Variants in HMGCS1 observed in about 807,000 individuals in gnomAD.
HMGCS1 encodes the protein 3-hydroxy-3-methylglutaryl-CoA synthase 1.
Under a neutral mutation model 52.3 loss-of-function variants are expected in HMGCS1, and 9 were observed. The ratio of observed to expected loss-of-function variants is 0.17; its 90% CI spans 0.10 to 0.30. The LOEUF (loss-of-function observed/expected upper bound fraction) is 0.30. Ranked by LOEUF, HMGCS1 falls within the 10% of genes least tolerant of loss-of-function variation. The pLI is 1.00. For synonymous variants in HMGCS1, 176 were observed against 214.4 expected (o/e 0.82, Z 1.57); for missense variants, 320 against 620.9 (o/e 0.52, Z 5.15).
chr5:43,311,087 G>A (rs1214239413), intron 1 of HMGCS1, among the ~76,000 whole-genome samples: 1 of 152,156 alleles, frequency 6.6e-6, no homozygotes, highest in African/African-American at 2.4e-5. Flanking sequence ...CACTTTGGGA[G>A]GCCAAGGCGG....
At chr5:43,292,280 C>T (rs568210102) in intron 10 of HMGCS1, among the ~76,000 whole-genome samples, 194 bp downstream of exon 10, 7 of 152,144 alleles carry the variant, frequency 4.6e-5, no homozygotes, top group African/African-American at 9.6e-5. Context: ...CGTGAGCCAC[C>T]GCACCCGGCC....
chr5:43,293,020 A>G, intron 8 of HMGCS1, 47 bp from the exon 9 acceptor site: 2 of 1,512,896 alleles, frequency 1.3e-6, no homozygotes, highest in East Asian at 2.3e-5. Flanking sequence ...TTGAAAAATC[A>G]TGTCCAAAAG....
At chr5:43,312,436 A>G (rs941229538) in intron 1 of HMGCS1, among the ~76,000 whole-genome samples, 2 of 152,186 alleles carry the variant, frequency 1.3e-5, no homozygotes, top group Non-Finnish European at 2.9e-5. Flanking sequence ...ACCTCACATT[A>G]TTTGTTCCCC....
At chr5:43,311,186 G>C (rs1055830325) in intron 1 of HMGCS1, among the ~76,000 whole-genome samples, 2 of 152,082 alleles carry the variant, frequency 1.3e-5, no homozygotes, top group African/African-American at 4.8e-5. Flanking sequence ...AATTAGCTGG[G>C]TGTGGTGGCA....
chr5:43,304,829 C>T (rs1166245462), intron 2 of HMGCS1, among the ~76,000 whole-genome samples: 1 of 152,132 alleles, frequency 6.6e-6, no homozygotes, highest in Non-Finnish European at 1.5e-5. Flanking sequence ...AATGTGTTTT[C>T]CATTATGTTC....
intron 10 of HMGCS1, among the ~76,000 whole-genome samples, chr5:43,291,842 C>T (rs1753782223): frequency 6.6e-6 from 1 of 152,086 alleles, no homozygotes; most frequent in Non-Finnish European, 1.5e-5. Context: ...AGATTTTGAC[C>T]ATGATCTGGG....
intron 1 of HMGCS1, among the ~76,000 whole-genome samples, chr5:43,310,876 T>C (rs910827107): frequency 6.6e-6 from 1 of 152,190 alleles, no homozygotes; most frequent in Admixed American, 6.5e-5. Context: ...CTTACAATCA[T>C]TCCCATATGC....
chr5:43,289,363 AGTTC>A lies in HMGCS1; in HGVS notation c.*1764_*1767del, dbSNP rs1407510536. On this transcript the variant is annotated 3_prime_UTR_variant, in exon 11 of 11. Transcript: ENST00000325110. ...TAGCTGATTTCTTGCCGAAGTTGTTAGTTCAAGAGTGAAAAAGAATACTCAAGTA... is the reference window on the plus strand; with the variant it reads ...TAGCTGATTTCTTGCCGAAGTTGTTAAAGAGTGAAAAAGAATACTCAAGTA... The A allele has an allele frequency of 6.6e-6, 1 of 152,666 alleles. No homozygotes were observed. The highest frequency in any genetic ancestry group is 1.5e-5 in the Non-Finnish European group (1 of 68,040). The allele number at this position is 152,666 out of a possible 1,614,324, so 9.5% of individuals were successfully genotyped here. A position where few individuals can be genotyped will look rare whatever the true frequency, so the allele number is the denominator to read the frequency against.
At chr5:43,295,409 A>G (rs1427045009) in intron 6 of HMGCS1, among the ~76,000 whole-genome samples, 1 of 152,224 alleles carries the variant, frequency 6.6e-6, no homozygotes, top group Admixed American at 6.5e-5. Flanking sequence ...GGCAGTGTGC[A>G]GGATGGAAAA....
chr5:43,311,301 CAG>C (rs1754853612), intron 1 of HMGCS1, among the ~76,000 whole-genome samples: 2 of 128,210 alleles, frequency 1.6e-5, no homozygotes, highest in Non-Finnish European at 3.1e-5. Flanking sequence ...GCTTGGGCGA[CAG>C]AGCGAGATTC....
At chr5:43,301,448 A>G (rs1234405373) in intron 2 of HMGCS1, among the ~76,000 whole-genome samples, 2 of 152,246 alleles carry the variant, frequency 1.3e-5, no homozygotes, top group Non-Finnish European at 2.9e-5. Flanking sequence ...GAATCAATTT[A>G]GTGGATGGCA....
Position 43,298,474 on chromosome 5 carries a change from GA to G in HMGCS1, c.448+43del. 1.3e-6 allele frequency: 2 copies of G among 1,519,578 alleles called. No homozygotes were observed. Among genetic ancestry groups the G allele is most frequent in the Non-Finnish European group, 1.8e-6 (2 of 1,114,198 alleles). 94.1% of individuals were successfully genotyped at this position (1,519,578 alleles called of 1,614,324 possible). On this transcript the variant is annotated intron_variant, in intron 3 of 10. Coordinates refer to ENST00000325110, the MANE Select transcript of HMGCS1 (RefSeq NM_001098272.3). This position sits in a 1 kb window ranked among gnomAD's most constrained non-coding sequence, Gnocchi z 5.6. The stretch of plus-strand genomic sequence containing the variant: ...TGTCATCTGGGTCTATTGAACCTTA[GA>G]AAAAAATTTTGGGGGACGGCGGGGA...
chr5:43,305,048 G>A (rs1754497834), intron 2 of HMGCS1, among the ~76,000 whole-genome samples: 1 of 151,952 alleles, frequency 6.6e-6, no homozygotes, highest in African/African-American at 2.4e-5. Flanking sequence ...GTGCAATGGT[G>A]TGATCTCGGC....
At chr5:43,297,960 C>T in intron 4 of HMGCS1, 49 bp downstream of exon 4, 1 of 1,573,884 alleles carries the variant, frequency 6.4e-7, no homozygotes, top group Non-Finnish European at 8.6e-7. Context: ...TTTCAAATTT[C>T]TCAGCATATT....
chr5:43,295,306 A>T (rs1579640385), intron 6 of HMGCS1, among the ~76,000 whole-genome samples: 2 of 152,224 alleles, frequency 1.3e-5, no homozygotes, highest in South Asian at 4.1e-4. Context: ...CAAGAGACAC[A>T]GGGAGAAACA....
At position 43,291,208 on chromosome 5, in the gene HMGCS1, G is replaced by C; in HGVS notation, c.1486C>G (p.Pro496Ala). The C allele has an allele frequency of 6.2e-7, 1 of 1,611,060 alleles. No homozygotes were observed. The highest frequency in any genetic ancestry group is 8.5e-7 in the Non-Finnish European group (1 of 1,177,482). ...SNIATEHIPS[P>A]AKKVPRLPAT... ...GGGAGTCTTGGTACTTTCTTGGCAG[G>C]GCTTGGAATATGCTAAAATGAAAGG... is the stretch of plus-strand genomic sequence containing the variant. The change falls in exon 11 of 11, where the codon CCT (proline) becomes GCT (alanine). Residue 496 changes from proline (P) to alanine (A), a missense_variant. By Grantham distance (27) the Pro-to-Ala change is conservative. Around this residue, in one of 3 missense-constraint regions of HMGCS1, gnomAD observed 213 missense variants for 337.4 expected, o/e 0.63. Coordinates refer to ENST00000325110, the MANE Select transcript of HMGCS1 (RefSeq NM_001098272.3).
chr5:43,294,542 T>C (rs1247429088), intron 7 of HMGCS1, 149 bp downstream of exon 7: 3 of 550,700 alleles, frequency 5.4e-6, no homozygotes, highest in Non-Finnish European at 9.5e-6. Context: ...CCATACATCT[T>C]TCAAGTCAAT....
At chr5:43,291,987 C>CTTTT (rs537398917) in intron 10 of HMGCS1, among the ~76,000 whole-genome samples, 54 of 83,118 alleles carry the variant, frequency 6.5e-4, no homozygotes, top group Non-Finnish European at 6.8e-4. Flanking sequence ...ACTGTATATT[C>CTTTT]TTTTTTTTTT....
intron 10 of HMGCS1, 88 bp downstream of exon 10, chr5:43,292,386 T>TATGAATTA: frequency 9.2e-7 from 1 of 1,091,876 alleles, no homozygotes; most frequent in African/African-American, 1.6e-5. Context: ...GAGCCCTTAC[T>TATGAATTA]CTTCTTTACT....
Sources: allele counts gnomAD v4.1 joint callset (sites outside exome capture counted in the v4.1 genomes callset), GRCh38; gene constraint gnomAD v4.1.1; regional missense constraint gnomAD v4.1.1; non-coding constraint Gnocchi (gnomAD v3.1); transcripts MANE v1.5; gene names NCBI Gene and HGNC (gene_info 2026-07-23, HGNC 2026-07-21).